Variants in PPARGC1A observed in about 807,000 individuals in gnomAD.
The protein encoded by PPARGC1A is peroxisome proliferator-activated receptor gamma coactivator 1-alpha.
Under a neutral mutation model 88.7 loss-of-function variants are expected in PPARGC1A, and 25 were observed. The ratio of observed to expected loss-of-function variants is 0.28; its 90% confidence interval spans 0.21 to 0.39. The LOEUF (loss-of-function observed/expected upper bound fraction) is 0.39. Among genes scored for constraint, PPARGC1A ranks in the 10% least tolerant of loss-of-function variants. The pLI is 1.00. For synonymous variants in PPARGC1A, 363 were observed against 355.6 expected (o/e 1.02, Z -0.24); for missense variants, 880 against 968.7 (o/e 0.91, Z 1.22).
the PPARGC1A span, among the ~76,000 whole-genome samples, chr4:23,924,799 G>C: frequency 7.2e-5 from 11 of 152,136 alleles, no homozygotes; most frequent in African/African-American, 2.4e-4. Context: ...GCCAGGATGT[G>C]ATTTCCTGGC....
chr4:24,033,476 G>C, the PPARGC1A span, among the ~76,000 whole-genome samples: 10 of 152,040 alleles, frequency 6.6e-5, no homozygotes, highest in Non-Finnish European at 1.0e-4. Flanking sequence ...GTGTAAGAGA[G>C]AATCAAGAGT....
Position 23,795,391 on chromosome 4 carries a change from A to G in PPARGC1A, c.*431T>C, listed in dbSNP as rs1468808297. The stretch of plus-strand genomic sequence containing the variant: ...TAGGTTTTAAGCGTGTCTTCATGGA[A>G]CTGCTGCCATTTGAAATGGTTTGCC... On this transcript the variant is annotated 3_prime_UTR_variant, in exon 13 of 13. Transcript: ENST00000264867. 1 of 150,984 alleles carries G rather than the reference A, an allele frequency of 6.6e-6. No individual in the cohort carries two copies. Among genetic ancestry groups the G allele is most frequent in the Non-Finnish European group, 1.5e-5 (1 of 68,230 alleles). 9.4% of individuals were successfully genotyped at this position (150,984 alleles called of 1,614,324 possible). A position where few individuals can be genotyped will look rare whatever the true frequency, so the allele number is the denominator to read the frequency against.
At chr4:23,994,459 C>T in the PPARGC1A span, among the ~76,000 whole-genome samples, 6 of 152,080 alleles carry the variant, frequency 3.9e-5, no homozygotes. Context: ...AAAATAGGCT[C>T]TCCTGGTGGA....
At chr4:24,139,797 G>T in the PPARGC1A span, among the ~76,000 whole-genome samples, 1 of 152,112 alleles carries the variant, frequency 6.6e-6, no homozygotes, top group East Asian at 1.9e-4. Flanking sequence ...GACTCACAAG[G>T]GAAGTGCTCA....
At chr4:24,350,853 G>A in the PPARGC1A span, among the ~76,000 whole-genome samples, 3 of 152,124 alleles carry the variant, frequency 2.0e-5, no homozygotes, top group Non-Finnish European at 4.4e-5. Context: ...TCCATGGCTG[G>A]GCATCATGGC....
At chr4:24,223,134 T>G in the PPARGC1A span, among the ~76,000 whole-genome samples, 7 of 152,126 alleles carry the variant, frequency 4.6e-5, no homozygotes, top group Non-Finnish European at 8.8e-5. Context: ...TTAAAAACTA[T>G]TCAAAAGATG....
chr4:23,942,821 A>G, the PPARGC1A span, among the ~76,000 whole-genome samples: 191 of 152,298 alleles, frequency 1.3e-3, 2 homozygotes, highest in Non-Finnish European at 7.9e-4. Context: ...TTCATGCACC[A>G]ATAAACTCTC....
At chr4:24,285,292 C>T in the PPARGC1A span, among the ~76,000 whole-genome samples, 1 of 152,138 alleles carries the variant, frequency 6.6e-6, no homozygotes, top group African/African-American at 2.4e-5. Flanking sequence ...CAAATATGTT[C>T]TAGATAAGTA....
chr4:24,341,315 A>G, the PPARGC1A span, among the ~76,000 whole-genome samples: 1 of 152,068 alleles, frequency 6.6e-6, no homozygotes, highest in Non-Finnish European at 1.5e-5. Flanking sequence ...AAATCTGCAC[A>G]TATTTTCCTT....
At chr4:24,050,204 T>TTC in the PPARGC1A span, among the ~76,000 whole-genome samples, 1 of 145,390 alleles carries the variant, frequency 6.9e-6, no homozygotes, top group Non-Finnish European at 1.5e-5. Flanking sequence ...CTTTTGTTTT[T>TTC]TTTTTTTTTG....
chr4:24,215,479 G>A, the PPARGC1A span, among the ~76,000 whole-genome samples: 10 of 152,180 alleles, frequency 6.6e-5, no homozygotes, highest in Admixed American at 1.3e-4. Flanking sequence ...TCCTGGTGGT[G>A]AATCCTGCCT....
chr4:24,466,713 G>C, the PPARGC1A span, among the ~76,000 whole-genome samples: 1 of 151,946 alleles, frequency 6.6e-6, no homozygotes, highest in East Asian at 1.9e-4. Context: ...TCAGGAGTTC[G>C]AGACCAGCCT....
intron 2 of PPARGC1A, among the ~76,000 whole-genome samples, chr4:23,863,390 G>A (rs1415751572): frequency 1.3e-5 from 2 of 151,996 alleles, no homozygotes; most frequent in East Asian, 1.9e-4. Flanking sequence ...CTTTATGCAA[G>A]TCACTTCACA....
At chr4:24,253,938 G>A in the PPARGC1A span, among the ~76,000 whole-genome samples, 1 of 152,326 alleles carries the variant, frequency 6.6e-6, no homozygotes, top group African/African-American at 2.4e-5. Flanking sequence ...TGTGTTAGAT[G>A]CTGGGGATAC....
chr4:23,792,614 G>GA lies in PPARGC1A; in HGVS notation c.*3207dup, dbSNP rs896650233. 13 of 150,488 alleles carry GA rather than the reference G, an allele frequency of 8.6e-5. No individual in the cohort carries two copies. Among genetic ancestry groups the GA allele is most frequent in the African/African-American group, 2.7e-4 (11 of 41,042 alleles). The allele number at this position is 150,488 out of a possible 1,614,324, so 9.3% of individuals were successfully genotyped here. The stretch of plus-strand genomic sequence containing the variant: ...ATTCTGCTACATCTCTTTTAAAAAA[G>GA]AAAAAAATCCACATTACTAAAGCAC... On this transcript the variant is annotated 3_prime_UTR_variant, in exon 13 of 13. Coordinates refer to ENST00000264867, the MANE Select transcript of PPARGC1A (RefSeq NM_013261.5).
the PPARGC1A span, among the ~76,000 whole-genome samples, chr4:24,031,691 C>A: frequency 0.04 from 6,100 of 152,244 alleles, 391 homozygotes; most frequent in African/African-American, 0.14. Flanking sequence ...ATAACAGTAG[C>A]ACCCCACCCC....
the PPARGC1A span, among the ~76,000 whole-genome samples, chr4:24,125,869 G>A: frequency 2.6e-5 from 4 of 152,156 alleles, no homozygotes; most frequent in Non-Finnish European, 5.9e-5. Flanking sequence ...GAGGAGTCTC[G>A]CAGGGCTCCT....
chr4:23,973,708 G>GT, the PPARGC1A span, among the ~76,000 whole-genome samples: 5 of 152,038 alleles, frequency 3.3e-5, no homozygotes, highest in Admixed American at 6.5e-5. Context: ...GTAGAATGGA[G>GT]TTTTTTTTAA....
chr4:24,302,532 T>C, the PPARGC1A span, among the ~76,000 whole-genome samples: 10 of 152,346 alleles, frequency 6.6e-5, 1 homozygote, highest in African/African-American at 2.2e-4. Flanking sequence ...AGAAGGCTGG[T>C]TTATTGAATC....
Sources: gnomAD v4.1 joint callset for allele counts (sites outside exome capture counted in the v4.1 genomes callset) on GRCh38, gnomAD v4.1.1 for gene constraint, MANE v1.5 for transcripts, NCBI Gene and HGNC (gene_info 2026-07-23, HGNC 2026-07-21) for gene names.